The following CTSE variants were observed in gnomAD, a reference collection of about 807,000 sequenced individuals.
The protein encoded by CTSE is cathepsin E, also known as erythrocyte membrane aspartic proteinase.
Under a neutral mutation model 42.8 loss-of-function variants are expected in CTSE, and 43 were observed. The ratio of observed to expected loss-of-function variants is 1.01; its 90% confidence interval spans 0.79 to 1.30. CTSE has a LOEUF of 1.30. Among genes scored for constraint, CTSE ranks in the 50% most tolerant of loss-of-function variants. The pLI is 0.00. For synonymous variants in CTSE, 205 were observed against 191.5 expected, an observed-to-expected ratio of 1.07 and a Z score of -0.58; for missense variants, 532 against 493.5, an observed-to-expected ratio of 1.08 and a Z score of -0.74.
chr1:206,012,316 T>A lies in CTSE; in HGVS notation c.1018A>T (p.Thr340Ser). 3 of 1,612,794 alleles carry A rather than the reference T, an allele frequency of 1.9e-6. No individual in the cohort carries two copies. Among genetic ancestry groups the A allele is most frequent in the Non-Finnish European group, 2.5e-6 (3 of 1,178,948 alleles). Residue 340 changes from threonine (T) to serine (S), a missense_variant, in exon 8 of 9, where the codon ACC (threonine) becomes TCC (serine). By Grantham distance (58) the Thr-to-Ser change is moderately conservative (BLOSUM62 1). Coordinates refer to ENST00000358184, the MANE Select transcript of CTSE (RefSeq NM_001910.4). ...VPYTLSPTAY[T>S]LLDFVDGMQF... ...AAGGAAACAGTTCTTACCAGTAGGG[T>A]GTAGGCAGTTGGGCTGAGGGTATAG...
intron 4 of CTSE, among the ~76,000 whole-genome samples, chr1:206,017,711 T>C (rs1464281517): frequency 6.6e-6 from 1 of 151,996 alleles, no homozygotes; most frequent in Non-Finnish European, 1.5e-5. Context: ...ACTCCTGACC[T>C]CATGATCCAC....
Position 206,015,988 on chromosome 1 carries a change from T to C in CTSE, c.605A>G (p.Asp202Gly). 6.2e-7 allele frequency: 1 copy of C among 1,613,910 alleles called. No homozygotes were observed. The highest frequency in any genetic ancestry group is 8.5e-7 in the Non-Finnish European group (1 of 1,179,902). ...CACCAGGTTCTGAGCCATCATGTTG[T>C]CAAATACTGGAGTCACTCCTCCCAC... ...LAVGGVTPVF[D>G]NMMAQNLVDL... Residue 202 changes from aspartate to glycine, a missense_variant, in exon 5 of 9, where the codon GAC (aspartate) becomes GGC (glycine). Coordinates refer to ENST00000358184, the MANE Select transcript of CTSE (RefSeq NM_001910.4).
At position 206,023,185 on chromosome 1, in the gene CTSE, G is replaced by T. The variant is rs1339670467; in HGVS notation, c.69-128C>A. 4.2e-6 allele frequency: 4 copies of T among 951,788 alleles called. No homozygotes were observed. In the Admixed American group the frequency reaches 6.2e-5, roughly 15 times the overall value. The allele number at this position is 951,788 out of a possible 1,614,324, so 59.0% of individuals were successfully genotyped here. ...GAGGGGGGGATCTGCAAGACAGCAC[G>T]CAGGATACAGGTGGGATCAGCGTCC... On this transcript the variant is annotated intron_variant, in intron 1 of 8. Coordinates refer to ENST00000358184, the MANE Select transcript of CTSE (RefSeq NM_001910.4).
In CTSE at chr1:206,010,381, C is replaced by A. The variant is rs781797247; in HGVS notation, c.1027-34G>T. The A allele has an allele frequency of 1.9e-6, 3 of 1,587,196 alleles. No individual in the cohort carries two copies. The African/African-American group carries it at 4.0e-5, about 21-fold the overall frequency. On this transcript the variant is annotated intron_variant, in intron 8 of 8. Coordinates refer to ENST00000358184, the MANE Select transcript of CTSE (RefSeq NM_001910.4). ...TGGAAAGAAGGATGCAAATGACAAA[C>A]GGGGGAAGAAGGTAGTAGTACTGCC... is the stretch of plus-strand genomic sequence containing the variant.
chr1:206,020,971 A>G, intron 4 of CTSE, 78 bp downstream of exon 4: 1 of 1,068,122 alleles, frequency 9.4e-7, no homozygotes, highest in East Asian at 2.4e-5. Flanking sequence ...TTCCTGAGGC[A>G]GATTTGAAAT....
intron 1 of CTSE, 90 bp from the exon 2 acceptor site, chr1:206,023,147 GAAGA>G: frequency 4.3e-6 from 2 of 463,706 alleles, no homozygotes; most frequent in Non-Finnish European, 8.5e-6. Context: ...GCCAACTAGA[GAAGA>G]TGGGGTGGGA....
intron 4 of CTSE, among the ~76,000 whole-genome samples, chr1:206,017,577 C>T (rs1553277835): frequency 6.6e-6 from 1 of 152,038 alleles, no homozygotes; most frequent in Non-Finnish European, 1.5e-5. Context: ...GCAACCTCCA[C>T]CTCCTGGGTT....
intron 8 of CTSE, among the ~76,000 whole-genome samples, chr1:206,011,782 G>T (rs782411329): frequency 2.0e-5 from 3 of 152,046 alleles, no homozygotes; most frequent in Non-Finnish European, 2.9e-5. Context: ...TGTCCAAAAG[G>T]TCTGGGAGTT....
chr1:206,017,250 G>A (rs373299794), intron 4 of CTSE, among the ~76,000 whole-genome samples: 2 of 151,964 alleles, frequency 1.3e-5, no homozygotes, highest in Non-Finnish European at 1.5e-5. Context: ...CTTGCTACAG[G>A]TTGAGCATCA....
Position 206,022,249 on chromosome 1 carries a change from T to G in CTSE, c.244A>C (p.Ile82Leu), listed in dbSNP as rs57621203. Reference sequence around the variant, plus strand: ...TTCTGTGGTGGGGAGCCAATGGAGATAGTGCCGAAGTATTCCATCTGCAAG... The same window carrying G: ...TTCTGTGGTGGGGAGCCAATGGAGAGAGTGCCGAAGTATTCCATCTGCAAG... Reference protein sequence around the residue: ...NYLDMEYFGTISIGSPPQNFT... With the variant: ...NYLDMEYFGTLSIGSPPQNFT... The change falls in exon 3 of 9, where the codon ATC becomes CTC. Residue 82 changes from isoleucine (I) to leucine (L), a missense_variant. Ile to Leu is a conservative substitution (Grantham distance 5). Transcript: ENST00000358184. The G allele has an allele frequency of 2.5e-6, 4 of 1,610,758 alleles. No individual in the cohort carries two copies. The highest frequency in any genetic ancestry group is 3.3e-5 in the Admixed American group (2 of 59,902).
intron 8 of CTSE, among the ~76,000 whole-genome samples, chr1:206,011,063 A>T (rs1661081699): frequency 6.6e-6 from 1 of 152,006 alleles, no homozygotes; most frequent in African/African-American, 2.4e-5. Context: ...AGCAGTTTTG[A>T]TGGATCAAGG....
rs782082779 is a variant in CTSE, at chr1:206,016,025, G to T, written c.568C>A (p.Pro190Thr). 1 of 1,613,714 alleles carries T rather than the reference G, an allele frequency of 6.2e-7. No individual in the cohort carries two copies. Among genetic ancestry groups the T allele is most frequent in the South Asian group, 1.1e-5 (1 of 91,064 alleles). ...GTCACTCCTCCCACAGCCAAGGAGG[G>T]GTATCCCAGGCCCAGAATTCCATCA... ...EFDGILGLGY[P>T]SLAVGGVTPV... The change falls in exon 5 of 9, where the codon CCC (proline) becomes ACC (threonine). Residue 190 changes from proline (P) to threonine (T), a missense_variant. By Grantham distance (38) the Pro-to-Thr change is conservative. Coordinates refer to ENST00000358184, the MANE Select transcript of CTSE (RefSeq NM_001910.4).
At chr1:206,011,500 A>T (rs1218326277) in intron 8 of CTSE, among the ~76,000 whole-genome samples, 1 of 151,976 alleles carries the variant, frequency 6.6e-6, no homozygotes, top group Non-Finnish European at 1.5e-5. Flanking sequence ...CATAATCCCT[A>T]TGTGGCAGGA....
At position 206,012,615 on chromosome 1, in the gene CTSE, C is replaced by G. The variant is rs201887965; in HGVS notation, c.820G>C (p.Glu274Gln). 1 of 1,613,856 alleles carries G rather than the reference C, an allele frequency of 6.2e-7. No homozygotes were observed. The highest frequency in any genetic ancestry group is 8.5e-7 in the Non-Finnish European group (1 of 1,179,932). ...QVGGTVMFCS[E>Q]GCQAIVDTGT... is the part of the protein sequence containing the mutation. Reference sequence around the variant, plus strand: ...GTGTCCACAATGGCCTGGCAGCCCTCGGAGCAGAACATAACAGTGCCTCCC... The same window carrying G: ...GTGTCCACAATGGCCTGGCAGCCCTGGGAGCAGAACATAACAGTGCCTCCC... The change falls in exon 7 of 9, where the codon GAG becomes CAG. Residue 274 changes from glutamate (E) to glutamine (Q), a missense_variant. Transcript: ENST00000358184.
chr1:206,010,674 G>A (rs982512422), intron 8 of CTSE, among the ~76,000 whole-genome samples: 1 of 152,112 alleles, frequency 6.6e-6, no homozygotes, highest in Admixed American at 6.5e-5. Flanking sequence ...ATGGCTAGAA[G>A]AGCAAAAGGG....
intron 5 of CTSE, 121 bp downstream of exon 5, chr1:206,015,810 T>A (rs1661243878): frequency 1.5e-5 from 12 of 799,188 alleles, no homozygotes; most frequent in South Asian, 7.2e-5. Flanking sequence ...TTGACTAAGA[T>A]CACACAGCTG....
Position 206,023,828 on chromosome 1 carries a change from C to T in CTSE, c.-37G>A. ...CCAGCAGCTTCTCCCTTGCCCCCTC[C>T]TTTCTTCTCTCCCCGAGGGCAGTGG... is the stretch of plus-strand genomic sequence containing the variant. On this transcript the variant is annotated 5_prime_UTR_variant, in exon 1 of 9. Transcript: ENST00000358184. 1 of 1,605,984 alleles carries T rather than the reference C, an allele frequency of 6.2e-7. No homozygotes were observed. Among genetic ancestry groups the T allele is most frequent in the East Asian group, 2.2e-5 (1 of 44,834 alleles).
chr1:206,013,762 G>C lies in CTSE; in HGVS notation c.785+10C>G. 1.2e-6 allele frequency: 2 copies of C among 1,613,046 alleles called. No homozygotes were observed. The highest frequency in any genetic ancestry group is 2.2e-5 in the South Asian group (2 of 90,984). ...CCTAGTACTGTCACTACTTCATGGGGAATACTCACTTATCCAGTGCAATCT... is the reference window on the plus strand; with the variant it reads ...CCTAGTACTGTCACTACTTCATGGGCAATACTCACTTATCCAGTGCAATCT... On this transcript the variant is annotated intron_variant, in intron 6 of 8. Coordinates refer to ENST00000358184, the MANE Select transcript of CTSE (RefSeq NM_001910.4).
Position 206,010,041 on chromosome 1 carries a change from GT to G in CTSE, c.*141del, listed in dbSNP as rs1436593494. On this transcript the variant is annotated 3_prime_UTR_variant, in exon 9 of 9. Transcript: ENST00000358184. ...TGTGTGTGTGTGTGTGTATTCTCAT[GT>G]TCTGTTTGGTCTTAATTCAAGTTGC... is the stretch of plus-strand genomic sequence containing the variant. The G allele has an allele frequency of 6.0e-6, 5 of 836,724 alleles. No homozygotes were observed. Among genetic ancestry groups the G allele is most frequent in the Non-Finnish European group, 9.8e-6 (5 of 511,890 alleles). The allele number at this position is 836,724 out of a possible 1,614,324, so 51.8% of individuals were successfully genotyped here.
Sources: allele counts gnomAD v4.1 joint callset (sites outside exome capture counted in the v4.1 genomes callset), GRCh38; gene constraint gnomAD v4.1.1; transcripts MANE v1.5; gene names NCBI Gene and HGNC (gene_info 2026-07-23, HGNC 2026-07-21).